Variants in REEP5 observed in about 807,000 individuals in gnomAD.
The protein encoded by REEP5 is receptor accessory protein 5, also known as receptor expression-enhancing protein 5.
REEP5 carries 24 observed loss-of-function variants against 22.4 expected under a neutral mutation model. That is an observed-to-expected ratio of 1.07 (90% CI 0.78 to 1.51). REEP5 has a LOEUF of 1.51. REEP5 is among the 40% of genes most tolerant of loss of function. The pLI is 0.00. For synonymous variants in REEP5, 103 were observed against 88.6 expected (o/e 1.16, Z -0.92); for missense variants, 252 against 233.0 (o/e 1.08, Z -0.53).
At chr5:112,891,730 G>C in intron 3 of REEP5, 1 of 1,614,120 alleles carries the variant, frequency 6.2e-7, no homozygotes, top group Non-Finnish European at 8.5e-7. Context: ...CCTGAAGAAG[G>C]AGAAACGAAA....
chr5:112,907,581 A>C (rs1214908174), intron 2 of REEP5, among the ~76,000 whole-genome samples: 1 of 152,202 alleles, frequency 6.6e-6, no homozygotes, highest in Non-Finnish European at 1.5e-5. Flanking sequence ...TGGCAGCTCT[A>C]AAATTAATCG....
Position 112,922,216 on chromosome 5 carries a change from GC to G in REEP5, c.-27del, listed in dbSNP as rs1769393469. 2 of 1,594,908 alleles carry G rather than the reference GC, an allele frequency of 1.3e-6. No homozygotes were observed. The highest frequency in any genetic ancestry group is 1.4e-5 in the African/African-American group (1 of 73,296). On this transcript the variant is annotated 5_prime_UTR_variant, in exon 1 of 5. Transcript: ENST00000379638. ...GGCGGGGACCGTCTCGCCGCTCGGG[GC>G]TGTTCCTAGTGCCGGATAGACTGGA...
At chr5:112,892,219 C>T (rs545585712) in intron 3 of REEP5, 21 of 1,614,104 alleles carry the variant, frequency 1.3e-5, no homozygotes, top group Middle Eastern at 3.3e-4. Context: ...CAGATGTTCA[C>T]GTAAACATAA....
chr5:112,892,358 A>G (rs1370501791), intron 3 of REEP5: 7 of 1,614,158 alleles, frequency 4.3e-6, no homozygotes, highest in Non-Finnish European at 5.9e-6. Flanking sequence ...ACCTACCAAC[A>G]GTTCCTAGAT....
chr5:112,901,968 A>G (rs1768858953), intron 3 of REEP5, among the ~76,000 whole-genome samples: 1 of 151,254 alleles, frequency 6.6e-6, no homozygotes, highest in Non-Finnish European at 1.5e-5. Context: ...ATCTCAAAAA[A>G]AGAAAAAAAA....
At position 112,877,113 on chromosome 5, in the gene REEP5, T is replaced by C. The variant is rs1767917467; in HGVS notation, c.*1673A>G. 6.6e-6 allele frequency: 1 copy of C among 152,194 alleles called. No homozygotes were observed. Among genetic ancestry groups the C allele is most frequent in the African/African-American group, 2.4e-5 (1 of 41,454 alleles). The allele number at this position is 152,194 out of a possible 1,614,324, so 9.4% of individuals were successfully genotyped here. On this transcript the variant is annotated 3_prime_UTR_variant, in exon 5 of 5. Transcript: ENST00000379638. Reference sequence around the variant, plus strand: ...TCTCCCAAGAACAATTTTGTTTGCTTTCTACAAAGTTTTAAGTTTAATAAA... The same window carrying C: ...TCTCCCAAGAACAATTTTGTTTGCTCTCTACAAAGTTTTAAGTTTAATAAA...
At chr5:112,892,937 A>T in intron 3 of REEP5, 1 of 1,600,958 alleles carries the variant, frequency 6.2e-7, no homozygotes, top group Non-Finnish European at 8.5e-7. Context: ...AGAAATAGGC[A>T]CCGCAGCTGG....
chr5:112,895,341 TC>T (rs1229064668), intron 3 of REEP5: 1 of 151,550 alleles, frequency 6.6e-6, no homozygotes. Flanking sequence ...TTTAGGAAAG[TC>T]ACAAATTAAT....
At chr5:112,892,716 C>T (rs765245594) in intron 3 of REEP5, 2 of 1,614,052 alleles carry the variant, frequency 1.2e-6, no homozygotes, top group South Asian at 2.2e-5. Context: ...ATCAGACTGG[C>T]TCCTCCTTTG....
intron 4 of REEP5, among the ~76,000 whole-genome samples, chr5:112,881,128 CAAA>C (rs58737941): frequency 6.0e-5 from 4 of 67,200 alleles, no homozygotes; most frequent in East Asian, 5.2e-4. Flanking sequence ...GACTCTGTTT[CAAA>C]AAAAAAAAAA....
intron 3 of REEP5, among the ~76,000 whole-genome samples, 160 bp downstream of exon 3, chr5:112,902,218 GTT>G (rs1028982682): frequency 3.2e-5 from 3 of 94,296 alleles, no homozygotes; most frequent in African/African-American, 1.8e-4. Context: ...GCATTTTTTT[GTT>G]TTTGTTTTTT....
chr5:112,906,820 C>A (rs913678117), intron 2 of REEP5, among the ~76,000 whole-genome samples: 30 of 152,152 alleles, frequency 2.0e-4, no homozygotes, highest in Admixed American at 1.8e-3. Context: ...AAGTTCCAGT[C>A]TTCACAGCAC....
At chr5:112,914,222 A>C (rs1393401523) in intron 2 of REEP5, among the ~76,000 whole-genome samples, 2 of 151,118 alleles carry the variant, frequency 1.3e-5, no homozygotes, top group African/African-American at 4.9e-5. Flanking sequence ...TCCTGGGTTC[A>C]AGCAATTCTC....
In REEP5 at chr5:112,878,593, TAA is replaced by T. The variant is rs1767967324; in HGVS notation, c.*191_*192del. The T allele has an allele frequency of 6.5e-6, 5 of 773,092 alleles. No individual in the cohort carries two copies. In the South Asian group the frequency reaches 1.2e-4, roughly 19 times the overall value. 47.9% of individuals were successfully genotyped at this position (773,092 alleles called of 1,614,324 possible). A position where few individuals can be genotyped will look rare whatever the true frequency, so the allele number is the denominator to read the frequency against. On this transcript the variant is annotated 3_prime_UTR_variant, in exon 5 of 5. Coordinates refer to ENST00000379638, the MANE Select transcript of REEP5 (RefSeq NM_005669.5). ...AAAACGTGGACACTGCCCACTGCAT[TAA>T]GTTTAAAGTGCTCCCTATATATATA...
chr5:112,892,815 C>T (rs764908527), intron 3 of REEP5: 2 of 1,613,690 alleles, frequency 1.2e-6, no homozygotes, highest in Non-Finnish European at 1.7e-6. Flanking sequence ...GTCCAGACCA[C>T]ACCTACAAAA....
At chr5:112,900,501 C>T (rs1768815705) in intron 3 of REEP5, among the ~76,000 whole-genome samples, 1 of 152,182 alleles carries the variant, frequency 6.6e-6, no homozygotes, top group South Asian at 2.1e-4. Flanking sequence ...TGGACACTAA[C>T]TAAAGGCAGT....
intron 2 of REEP5, among the ~76,000 whole-genome samples, chr5:112,915,483 TAA>T (rs1007602206): frequency 1.5e-4 from 23 of 152,188 alleles, no homozygotes; most frequent in African/African-American, 5.5e-4. Context: ...ACTTTCATCT[TAA>T]AAGAGTCCAG....
At position 112,877,349 on chromosome 5, in the gene REEP5, G is replaced by A. The variant is rs1216479461; in HGVS notation, c.*1437C>T. On this transcript the variant is annotated 3_prime_UTR_variant, in exon 5 of 5. Transcript: ENST00000379638. ...ACTGGCTGGATATTTAATCTTGTTA[G>A]TTTAGTTATACACTTGTTTTAGTCG... 1.3e-5 allele frequency: 2 copies of A among 152,228 alleles called. No individual in the cohort carries two copies. Among genetic ancestry groups the A allele is most frequent in the Middle Eastern group, 3.4e-3 (1 of 294 alleles). 9.4% of individuals were successfully genotyped at this position (152,228 alleles called of 1,614,324 possible).
chr5:112,897,506 A>G (rs1162908238), intron 3 of REEP5: 1 of 152,212 alleles, frequency 6.6e-6, no homozygotes, highest in Admixed American at 6.5e-5. Context: ...GAATAAAGGA[A>G]TGAGCATATG....
Sources: allele counts gnomAD v4.1 joint callset (sites outside exome capture counted in the v4.1 genomes callset), GRCh38; gene constraint gnomAD v4.1.1; transcripts MANE v1.5; gene names NCBI Gene and HGNC (gene_info 2026-07-23, HGNC 2026-07-21).